DNAH1: variants seen among roughly 807,000 people sequenced by gnomAD.
DNAH1 encodes the protein axonemal beta dynein heavy chain 1.
A neutral mutation model predicts 484.3 loss-of-function variants in DNAH1; 327 were observed. The ratio of observed to expected loss-of-function variants is 0.68; its 90% CI spans 0.62 to 0.74. The LOEUF is 0.74. DNAH1 is among the 30% of genes least tolerant of loss of function. The pLI is 0.00. For missense variants in DNAH1, 5,052 were observed against 5,546.8 expected (o/e 0.91, Z 2.83); for synonymous variants, 2,192 against 2,191.9 (o/e 1.00, Z 0.00).
rs577362633 is a variant in DNAH1, at chr3:52,359,293, C to T, written c.4314C>T (p.Ile1438=). The change falls in exon 26 of 78, where the codon ATC becomes ATT. Residue 1438 remains isoleucine (I), a synonymous_variant. Coordinates refer to ENST00000420323, the MANE Select transcript of DNAH1 (RefSeq NM_015512.5). ...TGAACTGGCCTGGCCAGGTGACCAT[C>T]GCTGGGTGCCAGACCTACTGGACCA... ...WVLNWPGQVT[I]AGCQTYWTME... The T allele has an allele frequency of 3.8e-5, 59 of 1,568,560 alleles. No homozygotes were observed. Among genetic ancestry groups the T allele is most frequent in the South Asian group, 1.6e-4 (14 of 85,278 alleles).
rs561708490 is a variant in DNAH1 at position 52,358,343 on chromosome 3, A to G, written c.4087-215A>G. Among the ~76,000 whole-genome samples the G allele has an allele frequency of 2.0e-5, 3 of 152,218 alleles. No individual in the cohort carries two copies. In the South Asian group the frequency reaches 6.2e-4, roughly 32 times the overall value. On this transcript the variant is annotated intron_variant, in intron 24 of 77. Transcript: ENST00000420323. This position sits in a 1 kb window ranked among gnomAD's most constrained non-coding sequence, Gnocchi z 4.2. ...AGCCTCCTTCCCTAAAGCCTGCTTC[A>G]TGCCGGGCCTGGGCTGGGGCCTGAC...
Position 52,346,482 on chromosome 3 carries a change from T to C in DNAH1, c.1667T>C (p.Phe556Ser), listed in dbSNP as rs888102573. ...QSQTFSQVQM[F>S]LKDSWISSLK... ...CTGTGGCCACTCTAGGTGCAGATGT[T>C]CCTCAAGGACAGCTGGATCAGCTCG... The change falls in exon 11 of 78, where the codon TTC becomes TCC. Residue 556 changes from phenylalanine to serine, a missense_variant. Transcript: ENST00000420323. The C allele has an allele frequency of 6.2e-7, 1 of 1,610,048 alleles. No individual in the cohort carries two copies. The highest frequency in any genetic ancestry group is 1.3e-5 in the African/African-American group (1 of 74,990).
intron 6 of DNAH1, among the ~76,000 whole-genome samples, chr3:52,330,678 G>A (rs1578081754): frequency 6.6e-6 from 1 of 152,148 alleles, no homozygotes; most frequent in African/African-American, 2.4e-5. Context: ...GCCCTGCCCT[G>A]CCCTGCCGTG....
chr3:52,394,568 T>A lies in DNAH1; in HGVS notation c.10730T>A (p.Leu3577His). ...CGGGCTTGGCGAGACATCCTAGCAC[T>A]CTCGAACCTGCCAACCTTTTCCTCC... ...SDRAWRDILA[L>H]SNLPTFSSFS... The change falls in exon 67 of 78, where the codon CTC becomes CAC. Residue 3577 changes from leucine (L) to histidine (H), a missense_variant. Transcript: ENST00000420323. 1.2e-6 allele frequency: 2 copies of A among 1,612,464 alleles called. 1 individual carries two copies. Among genetic ancestry groups the A allele is most frequent in the Non-Finnish European group, 1.7e-6 (2 of 1,179,032 alleles).
chr3:52,386,976 T>C (rs895264557), intron 56 of DNAH1, 123 bp downstream of exon 56: 2 of 1,043,572 alleles, frequency 1.9e-6, no homozygotes, highest in Non-Finnish European at 2.7e-6. Context: ...CTCTGTCCTG[T>C]CTCTCTCTGT....
In DNAH1 at chr3:52,375,971, A is replaced by C. The variant is rs773898148; in HGVS notation, c.7176A>C (p.Glu2392Asp). The C allele has an allele frequency of 6.2e-6, 10 of 1,612,218 alleles. No individual in the cohort carries two copies. Among genetic ancestry groups the C allele is most frequent in the Non-Finnish European group, 7.6e-6 (9 of 1,179,382 alleles). ...ATCCTCTAGATGGACTCCTTGGAGAAAAAAGCTACCGGGAGCGTGTGCGTA... is the reference window on the plus strand; with the variant it reads ...ATCCTCTAGATGGACTCCTTGGAGACAAAAGCTACCGGGAGCGTGTGCGTA... Reference protein sequence around the residue: ...LGNWLDGLLGEKSYRERVPGA... With the variant: ...LGNWLDGLLGDKSYRERVPGA... The change falls in exon 46 of 78, where the codon GAA (glutamate) becomes GAC (aspartate). Residue 2392 changes from glutamate (E) to aspartate (D), a missense_variant. Glu to Asp is a conservative substitution (Grantham distance 45). Coordinates refer to ENST00000420323, the MANE Select transcript of DNAH1 (RefSeq NM_015512.5).
intron 7 of DNAH1, among the ~76,000 whole-genome samples, chr3:52,331,801 A>AT (rs1701566225): frequency 6.6e-6 from 1 of 151,286 alleles, no homozygotes; most frequent in Non-Finnish European, 1.5e-5. Context: ...CTTTTTTGTA[A>AT]TTTTAGTAGA....
chr3:52,343,546 G>A (rs572510723), intron 8 of DNAH1, among the ~76,000 whole-genome samples: 1 of 152,264 alleles, frequency 6.6e-6, no homozygotes, highest in South Asian at 2.1e-4. Context: ...GAGGGAGTGA[G>A]TAGATTTCTA....
intron 16 of DNAH1, 122 bp from the exon 17 acceptor site, chr3:52,351,840 A>G: frequency 8.1e-7 from 1 of 1,235,798 alleles, no homozygotes; most frequent in South Asian, 1.4e-5. Context: ...AGCTGCCTGG[A>G]TTTCCCCTGA....
Position 52,375,876 on chromosome 3 carries a change from C to T in DNAH1, c.7160-79C>T, listed in dbSNP as rs1220883454. On this transcript the variant is annotated intron_variant, in intron 45 of 77. Transcript: ENST00000420323. ...AGCTTACCCCAAGATGCTGTTTCCC[C>T]CACCATCTCACCTGGCCAGGGTGAG... 5.9e-6 allele frequency: 9 copies of T among 1,534,026 alleles called. No individual in the cohort carries two copies. In the East Asian group the frequency reaches 2.0e-4, roughly 35 times the overall value.
At chr3:52,391,402 G>A (rs1169826203) in intron 62 of DNAH1, 41 bp from the exon 63 acceptor site, 1 of 1,594,340 alleles carries the variant, frequency 6.3e-7, no homozygotes, top group Non-Finnish European at 8.5e-7. Context: ...CCCCACTGGT[G>A]ATGCTCAGGC....
rs771369335 is a variant in DNAH1, at chr3:52,362,429, G to C, written c.5022G>C (p.Val1674=). 1 of 1,613,982 alleles carries C rather than the reference G, an allele frequency of 6.2e-7. No individual in the cohort carries two copies. Among genetic ancestry groups the C allele is most frequent in the Non-Finnish European group, 8.5e-7 (1 of 1,179,904 alleles). ...FMFEGVEIPL[V]PSCAVFITMN... ...TTGAGGGTGTGGAGATCCCACTGGTGCCATCCTGCGCAGTGTTTATCACCA... is the reference window on the plus strand; with the variant it reads ...TTGAGGGTGTGGAGATCCCACTGGTCCCATCCTGCGCAGTGTTTATCACCA... Residue 1674 remains valine, a synonymous_variant, in exon 31 of 78, where the codon GTG becomes GTC. Transcript: ENST00000420323. This position sits in a 1 kb window ranked among gnomAD's most constrained non-coding sequence, Gnocchi z 5.1.
rs1236246943 is a variant in DNAH1 at position 52,357,585 on chromosome 3, C to T, written c.3859-29C>T. 3 of 1,590,316 alleles carry T rather than the reference C, an allele frequency of 1.9e-6. No homozygotes were observed. The African/African-American group carries it at 4.0e-5, about 21-fold the overall frequency. On this transcript the variant is annotated intron_variant, in intron 22 of 77. Coordinates refer to ENST00000420323, the MANE Select transcript of DNAH1 (RefSeq NM_015512.5). Reference sequence around the variant, plus strand: ...TGCTACCTGGACCATGCTCACTGCCCATTTCTGTGCATGGCCCGGGCCCTG... The same window carrying T: ...TGCTACCTGGACCATGCTCACTGCCTATTTCTGTGCATGGCCCGGGCCCTG...
At position 52,349,204 on chromosome 3, in the gene DNAH1, G is replaced by C; in HGVS notation, c.2310G>C (p.Gln770His). The change falls in exon 14 of 78, where the codon CAG (glutamine) becomes CAC (histidine). Residue 770 changes from glutamine (Q) to histidine (H), a missense_variant. This residue lies in a region of DNAH1 where 1,263 missense variants were observed against 1,218.8 expected (regional missense o/e 1.04). Coordinates refer to ENST00000420323, the MANE Select transcript of DNAH1 (RefSeq NM_015512.5). The stretch of plus-strand genomic sequence containing the variant: ...TGCTTGCTGTCCTCAGAACCTACCA[G>C]ACGCAGGGCCTGTTGGCCCAGGAGG... ...NDIASFLKTY[Q>H]TQGLLAQEVR... is the part of the protein sequence containing the mutation. 6.2e-7 allele frequency: 1 copy of C among 1,613,530 alleles called. No individual in the cohort carries two copies. Among genetic ancestry groups the C allele is most frequent in the Non-Finnish European group, 8.5e-7 (1 of 1,179,660 alleles).
In DNAH1 at chr3:52,371,802, G is replaced by C. The variant is rs909089938; in HGVS notation, c.6526-144G>C. The C allele has an allele frequency of 2.5e-6, 3 of 1,217,018 alleles. No individual in the cohort carries two copies. In the African/African-American group the frequency reaches 4.6e-5, roughly 18 times the overall value. The allele number at this position is 1,217,018 out of a possible 1,614,324, so 75.4% of individuals were successfully genotyped here. On this transcript the variant is annotated intron_variant, in intron 41 of 77. Coordinates refer to ENST00000420323, the MANE Select transcript of DNAH1 (RefSeq NM_015512.5). ...GCAGGGCACAGGACTTTCCATTTCC[G>C]CCGGAAGCAGCCCTGCACCTGGACC...
Position 52,399,041 on chromosome 3 carries a change from T to G in DNAH1, c.12281T>G (p.Leu4094Arg). Residue 4094 changes from leucine to arginine, a missense_variant, in exon 76 of 78, where the codon CTG becomes CGG. Physicochemically the swap from Leu to Arg is moderately radical, Grantham distance 102. Around this residue, in one of 4 missense-constraint regions of DNAH1, gnomAD observed 853 missense variants for 899.0 expected, o/e 0.95. Coordinates refer to ENST00000420323, the MANE Select transcript of DNAH1 (RefSeq NM_015512.5). ...CTGTCATCATGGGTCATGGACCTGC[T>G]GCAACGCCTGGACTTTCTGCAGGCC... ...KPLSSWVMDL[L>R]QRLDFLQAWI... 1.2e-6 allele frequency: 2 copies of G among 1,614,080 alleles called. No individual in the cohort carries two copies. The highest frequency in any genetic ancestry group is 1.7e-6 in the Non-Finnish European group (2 of 1,179,900).
rs1470340287 is a variant in DNAH1 at position 52,372,265 on chromosome 3, C to A, written c.6705C>A (p.Leu2235=). 6.2e-7 allele frequency: 1 copy of A among 1,613,988 alleles called. No individual in the cohort carries two copies. Among genetic ancestry groups the A allele is most frequent in the South Asian group, 1.1e-5 (1 of 91,082 alleles). Residue 2235 remains leucine (L), a synonymous_variant, in exon 43 of 78, where the codon CTC becomes CTA. Coordinates refer to ENST00000420323, the MANE Select transcript of DNAH1 (RefSeq NM_015512.5). ...CIGPTGTGKT[L]TISDKLLKNL... ...GGCCAACAGGCACGGGGAAGACGCT[C>A]ACCATCTCTGACAAGCTCCTCAAGA...
Position 52,354,893 on chromosome 3 carries a change from G to A in DNAH1, c.3531G>A (p.Leu1177=). The A allele has an allele frequency of 1.2e-6, 2 of 1,613,926 alleles. No homozygotes were observed. The highest frequency in any genetic ancestry group is 1.7e-6 in the Non-Finnish European group (2 of 1,179,880). ...GGTCGACCATCCTGTTCAATGTACTGCCCTACAAGGCGACAGACACCTACA... is the reference window on the plus strand; with the variant it reads ...GGTCGACCATCCTGTTCAATGTACTACCCTACAAGGCGACAGACACCTACA... ...KEWSTILFNV[L]PYKATDTYIL... The change falls in exon 21 of 78, where the codon CTG becomes CTA. Residue 1177 remains leucine, a synonymous_variant. Transcript: ENST00000420323.
chr3:52,336,061 A>G (rs1235154207), intron 8 of DNAH1, among the ~76,000 whole-genome samples: 1 of 152,154 alleles, frequency 6.6e-6, no homozygotes. Flanking sequence ...CCAGTTCTGC[A>G]GGTTGTCTGT....
Sources: allele counts gnomAD v4.1 joint callset (sites outside exome capture counted in the v4.1 genomes callset), GRCh38; gene constraint gnomAD v4.1.1; regional missense constraint gnomAD v4.1.1; non-coding constraint Gnocchi (gnomAD v3.1); transcripts MANE v1.5; gene names NCBI Gene and HGNC (gene_info 2026-07-23, HGNC 2026-07-21).